The following ARHGAP27 variants were observed in gnomAD, a reference collection of about 807,000 sequenced individuals.
The protein encoded by ARHGAP27 is rho GTPase-activating protein 27.
ARHGAP27 carries 53 observed loss-of-function variants against 102.0 expected under a neutral mutation model. The ratio of observed to expected loss-of-function variants is 0.52; its 90% CI spans 0.42 to 0.65. ARHGAP27 has a LOEUF of 0.65. Among genes scored for constraint, ARHGAP27 ranks in the 30% least tolerant of loss-of-function variants. The pLI, the probability that ARHGAP27 is intolerant of heterozygous loss-of-function variation, is 0.00. For synonymous variants in ARHGAP27, 525 were observed against 542.8 expected, an observed-to-expected ratio of 0.97 and a Z score of 0.46; for missense variants, 1,117 against 1,256.2, an observed-to-expected ratio of 0.89 and a Z score of 1.68.
In ARHGAP27 at chr17:45,404,593, G is replaced by C. The variant is rs751055950; in HGVS notation, c.1329+8C>G. On this transcript the variant is annotated splice_region_variant and intron_variant, in intron 7 of 19. Transcript: ENST00000685559. ...CTCCCCAACACCCCCCTTTCCCCAGGTTGTTACCTGGGGCAGCTCCCATCG... is the reference window on the plus strand; with the variant it reads ...CTCCCCAACACCCCCCTTTCCCCAGCTTGTTACCTGGGGCAGCTCCCATCG... 7 of 1,613,854 alleles carry C rather than the reference G, an allele frequency of 4.3e-6. No homozygotes were observed. Among genetic ancestry groups the C allele is most frequent in the Non-Finnish European group, 5.9e-6 (7 of 1,179,922 alleles).
Position 45,396,931 on chromosome 17 carries a change from C to A in ARHGAP27, c.1936G>T (p.Ala646Ser). Residue 646 changes from alanine (A) to serine (S), a missense_variant, in exon 14 of 20, where the codon GCG becomes TCG. Around this residue, in one of 3 missense-constraint regions of ARHGAP27, gnomAD observed 493 missense variants for 505.5 expected, o/e 0.98. Transcript: ENST00000685559. ...LGSWQEKEED[A>S]RPNAAAPALG... ...TTGCGCACACCTGCATTCGGTCGCG[C>A]GTCCTCCTCTTTCTCCTGCCAGCTT... The A allele has an allele frequency of 6.2e-7, 1 of 1,606,348 alleles. No individual in the cohort carries two copies. The highest frequency in any genetic ancestry group is 8.5e-7 in the Non-Finnish European group (1 of 1,179,966).
At chr17:45,407,145 T>G (rs765248232) in intron 4 of ARHGAP27, among the ~76,000 whole-genome samples, 39 of 152,288 alleles carry the variant, frequency 2.6e-4, no homozygotes, top group Non-Finnish European at 5.0e-4. Flanking sequence ...CTCACCGGCC[T>G]GTGCTTCCAC....
intron 5 of ARHGAP27, 81 bp from the exon 6 acceptor site, chr17:45,405,187 C>T (rs1052461142): frequency 1.4e-6 from 2 of 1,439,952 alleles, no homozygotes; most frequent in African/African-American, 2.9e-5. Context: ...CCAGGCCCAC[C>T]CCCTTGCCTT....
intron 4 of ARHGAP27, among the ~76,000 whole-genome samples, chr17:45,416,733 G>A (rs1474540517): frequency 1.3e-5 from 2 of 151,230 alleles, no homozygotes; most frequent in Admixed American, 1.3e-4. Context: ...ATTTTTAGTA[G>A]AGACAGGGTT....
intron 4 of ARHGAP27, 106 bp downstream of exon 4, chr17:45,429,517 G>T (rs1207754770): frequency 3.3e-6 from 5 of 1,527,828 alleles, no homozygotes; most frequent in Non-Finnish European, 3.5e-6. Flanking sequence ...AGAGGTGGGC[G>T]TCGTGCCCGA....
At chr17:45,410,380 G>T in intron 4 of ARHGAP27, 1 of 1,366,370 alleles carries the variant, frequency 7.3e-7, no homozygotes, top group Non-Finnish European at 9.4e-7. Flanking sequence ...CAGGGCAACA[G>T]GGAAACAAGA....
At position 45,398,011 on chromosome 17, in the gene ARHGAP27, G is replaced by A; in HGVS notation, c.1780C>T (p.His594Tyr). ...SRDGSEYLIQ[H>Y]DSEAIISTWH... ...GTGCTGATGATGGCCTCCGAGTCGT[G>A]CTGGATCAGGTACTCAGAGCCATCT... is the stretch of plus-strand genomic sequence containing the variant. Residue 594 changes from histidine (H) to tyrosine (Y), a missense_variant, in exon 13 of 20, where the codon CAC becomes TAC. Physicochemically the swap from His to Tyr is moderately conservative, Grantham distance 83. Transcript: ENST00000685559. 1.2e-6 allele frequency: 2 copies of A among 1,609,782 alleles called. No individual in the cohort carries two copies. Among genetic ancestry groups the A allele is most frequent in the Non-Finnish European group, 1.7e-6 (2 of 1,176,648 alleles).
At chr17:45,403,934 TG>T in intron 10 of ARHGAP27, 94 bp downstream of exon 10, 1 of 1,392,528 alleles carries the variant, frequency 7.2e-7, no homozygotes. Flanking sequence ...GAAGTTGTTG[TG>T]AGGATTAATA....
chr17:45,422,705 C>G (rs554709317), intron 4 of ARHGAP27, among the ~76,000 whole-genome samples: 1 of 152,074 alleles, frequency 6.6e-6, no homozygotes, highest in Non-Finnish European at 1.5e-5. Flanking sequence ...CTAGGAAAAG[C>G]CCCAGAAGAG....
In ARHGAP27 at chr17:45,405,696, C is replaced by T. The variant is rs1597798196; in HGVS notation, c.1045G>A (p.Gly349Ser). Residue 349 changes from glycine to serine, a missense_variant, in exon 5 of 20, where the codon GGC (glycine) becomes AGC (serine). Gly to Ser is a moderately conservative substitution (Grantham distance 56). Around this residue, in one of 3 missense-constraint regions of ARHGAP27, gnomAD observed 610 missense variants for 716.4 expected, o/e 0.85. Transcript: ENST00000685559. ...CTCACCCGCGGGTCCCCTGGGCTGC[C>T]AGGGCTCAGGCCCGGCTGCATCTCC... Reference protein sequence around the residue: ...ELEMQPGLSPGSPGDPRPPTP... With the variant: ...ELEMQPGLSPSSPGDPRPPTP... 4 of 1,598,966 alleles carry T rather than the reference C, an allele frequency of 2.5e-6. No individual in the cohort carries two copies. Among genetic ancestry groups the T allele is most frequent in the Non-Finnish European group, 3.4e-6 (4 of 1,176,434 alleles).
intron 16 of ARHGAP27, 84 bp from the exon 17 acceptor site, chr17:45,396,368 G>T (rs1433725879): frequency 2.7e-6 from 4 of 1,479,692 alleles, no homozygotes; most frequent in Middle Eastern, 2.3e-4. Context: ...TCCCACTCGG[G>T]GCCTCCCGTA....
rs746890246 is a variant in ARHGAP27 at position 45,405,772 on chromosome 17, C to T, written c.969G>A (p.Thr323=). 6.3e-7 allele frequency: 1 copy of T among 1,578,298 alleles called. No individual in the cohort carries two copies. ...CCTCGTCCTCCCAGGCCGTCTCGCC[C>T]GTCAGCGGGTTGTAGAAGAACACCC... is the stretch of plus-strand genomic sequence containing the variant. ...SRRVFFYNPL[T]GETAWEDEAE... The change falls in exon 5 of 20, where the codon ACG becomes ACA. Residue 323 remains threonine, a synonymous_variant. Transcript: ENST00000685559.
In ARHGAP27 at chr17:45,396,070, T is replaced by C; in HGVS notation, c.2299A>G (p.Ile767Val). 6.2e-7 allele frequency: 1 copy of C among 1,613,866 alleles called. No individual in the cohort carries two copies. ...AAGAAGAGCTTCAGGGCTCCGGTGA[T>C]AACGTGGACGTCCTCCCAGCGCCCG... ...DDGRWEDVHV[I>V]TGALKLFFRE... The change falls in exon 18 of 20, where the codon ATC becomes GTC. Residue 767 changes from isoleucine (I) to valine (V), a missense_variant. Ile to Val is a conservative substitution (Grantham distance 29, BLOSUM62 3). Around this residue, in one of 3 missense-constraint regions of ARHGAP27, gnomAD observed 493 missense variants for 505.5 expected, o/e 0.98. Transcript: ENST00000685559.
intron 13 of ARHGAP27, chr17:45,397,231 T>C (rs2045861718): frequency 4.9e-6 from 7 of 1,424,750 alleles, no homozygotes; most frequent in Non-Finnish European, 6.4e-6. Flanking sequence ...ATGGAGCCCT[T>C]AAGGTGCAGA....
In ARHGAP27 at chr17:45,405,105, G is replaced by A. The variant is rs748016302; in HGVS notation, c.1067C>T (p.Pro356Leu). ...LSPGSPGDPR[P>L]PTPETDYPES... is the part of the protein sequence containing the mutation. Reference sequence around the variant, plus strand: ...GGGGTAGTCCGTCTCGGGAGTGGGGGGCTGCGGGGAACAGAAGGTGGAGTC... The same window carrying A: ...GGGGTAGTCCGTCTCGGGAGTGGGGAGCTGCGGGGAACAGAAGGTGGAGTC... Residue 356 changes from proline to leucine, a missense_variant and splice_region_variant, in exon 6 of 20, where the codon CCC (proline) becomes CTC (leucine). Transcript: ENST00000685559. 14 of 1,572,614 alleles carry A rather than the reference G, an allele frequency of 8.9e-6. No homozygotes were observed. In the South Asian group the frequency reaches 1.4e-4, roughly 16 times the overall value.
chr17:45,397,000 T>C lies in ARHGAP27; in HGVS notation c.1867A>G (p.Ser623Gly). Residue 623 changes from serine to glycine, a missense_variant, in exon 14 of 20, where the codon AGC (serine) becomes GGC (glycine). Coordinates refer to ENST00000685559, the MANE Select transcript of ARHGAP27 (RefSeq NM_001282290.2). ...CCGAAGTCCACTCTGCTGCTCTCGC[T>C]CTCCTCTGGGGGCAGCTCTGCGGAC... ...ELSAELPPEE[S>G]ESSRVDFGSS... The C allele has an allele frequency of 1.2e-6, 2 of 1,604,350 alleles. No individual in the cohort carries two copies. Among genetic ancestry groups the C allele is most frequent in the Non-Finnish European group, 1.7e-6 (2 of 1,179,956 alleles).
At chr17:45,401,089 C>T (rs987929246) in intron 12 of ARHGAP27, among the ~76,000 whole-genome samples, 11 of 152,200 alleles carry the variant, frequency 7.2e-5, no homozygotes, top group African/African-American at 2.7e-4. Flanking sequence ...CACCTGTAAT[C>T]TCAACCCTTT....
chr17:45,424,437 A>G (rs930909460), intron 4 of ARHGAP27, among the ~76,000 whole-genome samples: 13 of 152,136 alleles, frequency 8.5e-5, no homozygotes, highest in African/African-American at 2.9e-4. Flanking sequence ...AGACTCGACC[A>G]CATCCCTGAT....
At chr17:45,428,875 G>A (rs1181108803) in intron 4 of ARHGAP27, among the ~76,000 whole-genome samples, 1 of 152,146 alleles carries the variant, frequency 6.6e-6, no homozygotes, top group African/African-American at 2.4e-5. Context: ...CGCCTAGAGT[G>A]TTCTGAGGAT....
Sources: allele counts gnomAD v4.1 joint callset (sites outside exome capture counted in the v4.1 genomes callset), GRCh38; gene constraint gnomAD v4.1.1; regional missense constraint gnomAD v4.1.1; transcripts MANE v1.5; gene names NCBI Gene and HGNC (gene_info 2026-07-23, HGNC 2026-07-21).